Variants in KDM4C observed in about 807,000 individuals in gnomAD.
KDM4C encodes lysine demethylase 4C, also known as lysine-specific demethylase 4C.
KDM4C carries 81 observed loss-of-function variants against 129.3 expected under a neutral mutation model. The observed-to-expected ratio is 0.63, with a 90% CI of 0.52 to 0.75. KDM4C has a LOEUF of 0.75. Ranked by LOEUF, KDM4C falls within the 30% of genes least tolerant of loss-of-function variation. The pLI is 0.00. For missense variants in KDM4C, 1,457 were observed against 1,304.0 expected (o/e 1.12, Z -1.81); for synonymous variants, 573 against 456.1 (o/e 1.26, Z -3.26).
intron 18 of KDM4C, among the ~76,000 whole-genome samples, chr9:7,107,815 T>G (rs1201245785): frequency 2.0e-5 from 3 of 152,044 alleles, no homozygotes; most frequent in Admixed American, 1.3e-4. Context: ...TCCTTTAGTA[T>G]TATTGTAGCT....
intron 18 of KDM4C, among the ~76,000 whole-genome samples, chr9:7,126,313 T>A (rs1402861151): frequency 6.6e-6 from 1 of 152,210 alleles, no homozygotes; most frequent in African/African-American, 2.4e-5. Context: ...GTAATTGAAC[T>A]TGAGTCTTAA....
At chr9:7,150,744 G>A (rs771185773) in intron 19 of KDM4C, among the ~76,000 whole-genome samples, 5 of 152,136 alleles carry the variant, frequency 3.3e-5, no homozygotes, top group African/African-American at 7.2e-5. Context: ...AGTTATTGGC[G>A]TTTGTTATGC....
chr9:7,077,616 T>C (rs1051587958), intron 17 of KDM4C, among the ~76,000 whole-genome samples: 4 of 152,214 alleles, frequency 2.6e-5, no homozygotes, highest in East Asian at 1.9e-4. Context: ...TTTTGCTGGC[T>C]GTACTGCCTC....
intron 21 of KDM4C, among the ~76,000 whole-genome samples, chr9:7,173,777 T>A (rs768601455): frequency 6.6e-6 from 1 of 152,128 alleles, no homozygotes; most frequent in Non-Finnish European, 1.5e-5. Context: ...CAGTTCAATT[T>A]AGGACAGGTT....
chr9:6,855,485 A>AAAAG (rs1564168721), intron 5 of KDM4C, among the ~76,000 whole-genome samples: 11 of 148,744 alleles, frequency 7.4e-5, no homozygotes, highest in Non-Finnish European at 1.3e-4. Context: ...AAAAAAAAAA[A>AAAAG]GGAACCCAAT....
intron 8 of KDM4C, among the ~76,000 whole-genome samples, chr9:6,909,550 A>G (rs1185448893): frequency 4.6e-5 from 7 of 152,212 alleles, no homozygotes; most frequent in Non-Finnish European, 1.0e-4. Context: ...CTGATGTTTC[A>G]AAGATTTCTT....
intron 4 of KDM4C, among the ~76,000 whole-genome samples, chr9:6,832,909 T>G (rs1214108183): frequency 2.7e-5 from 4 of 150,794 alleles, no homozygotes; most frequent in Admixed American, 2.6e-4. Flanking sequence ...TGTATTTTTT[T>G]TTTTTTAGTA....
intron 17 of KDM4C, among the ~76,000 whole-genome samples, chr9:7,093,102 AAGAACATT>A (rs1835992698): frequency 1.3e-5 from 2 of 152,262 alleles, no homozygotes; most frequent in South Asian, 4.2e-4. Context: ...ATGACAGAAA[AAGAACATT>A]TTAGGTAATG....
At chr9:6,971,224 G>A (rs1831930055) in intron 8 of KDM4C, among the ~76,000 whole-genome samples, 1 of 151,880 alleles carries the variant, frequency 6.6e-6, no homozygotes. Context: ...CTTTTTTTTG[G>A]CTCTAGAAAT....
At chr9:6,891,649 T>G (rs780331090) in intron 7 of KDM4C, among the ~76,000 whole-genome samples, 22 of 152,224 alleles carry the variant, frequency 1.4e-4, no homozygotes, top group Non-Finnish European at 2.9e-4. Flanking sequence ...ATGAGTGAAT[T>G]TTATGGTATG....
chr9:6,870,093 A>C (rs1015144891), intron 5 of KDM4C, among the ~76,000 whole-genome samples: 1 of 152,198 alleles, frequency 6.6e-6, no homozygotes, highest in East Asian at 1.9e-4. Flanking sequence ...TACTTCAGGA[A>C]TTTTGAGTTT....
At chr9:6,998,320 G>A (rs1043026126) in intron 12 of KDM4C, among the ~76,000 whole-genome samples, 2 of 152,168 alleles carry the variant, frequency 1.3e-5, no homozygotes, top group Non-Finnish European at 2.9e-5. Flanking sequence ...GGTGGAATTG[G>A]AGATCTTTCT....
At chr9:7,103,606 A>C in intron 17 of KDM4C, 79 bp from the exon 18 acceptor site, 2 of 810,182 alleles carry the variant, frequency 2.5e-6, no homozygotes, top group Non-Finnish European at 1.9e-6. Context: ...CTTCTCTAGT[A>C]GCTATTGTTC....
intron 8 of KDM4C, among the ~76,000 whole-genome samples, chr9:6,936,975 T>A (rs1268758062): frequency 2.0e-5 from 3 of 152,212 alleles, no homozygotes; most frequent in African/African-American, 7.2e-5. Flanking sequence ...AGTTACAGAT[T>A]CTAGACCCAT....
chr9:6,815,962 G>C (rs34488295), intron 4 of KDM4C, among the ~76,000 whole-genome samples: 1 of 152,000 alleles, frequency 6.6e-6, no homozygotes. Flanking sequence ...AATTATATAA[G>C]CATGTATCTT....
chr9:7,021,076 C>T (rs1824740061), intron 15 of KDM4C, among the ~76,000 whole-genome samples: 1 of 151,426 alleles, frequency 6.6e-6, no homozygotes, highest in African/African-American at 2.4e-5. Context: ...AATGGTTGAG[C>T]ACCTTTTCAT....
At chr9:6,855,829 C>G (rs1839708152) in intron 5 of KDM4C, among the ~76,000 whole-genome samples, 1 of 152,198 alleles carries the variant, frequency 6.6e-6, no homozygotes, top group Non-Finnish European at 1.5e-5. Flanking sequence ...ATGTACATCT[C>G]CATTAAAATG....
chr9:7,109,551 C>G (rs1306964701), intron 18 of KDM4C, among the ~76,000 whole-genome samples: 1 of 152,174 alleles, frequency 6.6e-6, no homozygotes, highest in East Asian at 1.9e-4. Flanking sequence ...TGTTGTGCCC[C>G]TTGGATGTAA....
chr9:7,031,750 A>G (rs1212798996), intron 15 of KDM4C, among the ~76,000 whole-genome samples: 1 of 152,162 alleles, frequency 6.6e-6, no homozygotes, highest in Non-Finnish European at 1.5e-5. Flanking sequence ...CATATTAAGT[A>G]ATGGTTGCCA....
Sources: gnomAD v4.1 joint callset for allele counts (sites outside exome capture counted in the v4.1 genomes callset) on GRCh38, gnomAD v4.1.1 for gene constraint, MANE v1.5 for transcripts, NCBI Gene and HGNC (gene_info 2026-07-23, HGNC 2026-07-21) for gene names.